The following NPSR1 variants were observed in gnomAD, a reference collection of about 807,000 sequenced individuals.
NPSR1 encodes neuropeptide S receptor 1.
A neutral mutation model predicts 46.9 loss-of-function variants in NPSR1; 48 were observed. The observed-to-expected ratio is 1.02, with a 90% confidence interval of 0.81 to 1.30. The LOEUF (loss-of-function observed/expected upper bound fraction) is 1.30, where lower values mean the gene tolerates loss of function less well. Ranked by LOEUF, NPSR1 falls within the 50% of genes most tolerant of loss-of-function variation. The probability of loss-of-function intolerance (pLI) is 0.00; values close to 1 mark genes in which losing one functional copy is unlikely to be tolerated. For missense variants in NPSR1, 450 were observed against 449.5 expected (o/e 1.00, Z -0.01); for synonymous variants, 176 against 168.1 (o/e 1.05, Z -0.36).
intron 2 of NPSR1, among the ~76,000 whole-genome samples, chr7:34,706,730 C>A (rs1473672079): frequency 6.6e-6 from 1 of 151,944 alleles, no homozygotes; most frequent in African/African-American, 2.4e-5. Context: ...GCTAAAATTT[C>A]AGGGTTTCTT....
chr7:34,739,034 T>C (rs1312283947), intron 2 of NPSR1, among the ~76,000 whole-genome samples: 1 of 152,242 alleles, frequency 6.6e-6, no homozygotes, highest in African/African-American at 2.4e-5. Flanking sequence ...TTGCATAAGA[T>C]GTTTAAAGTT....
chr7:34,794,184 T>C (rs1788070785), intron 3 of NPSR1, among the ~76,000 whole-genome samples: 1 of 152,048 alleles, frequency 6.6e-6, no homozygotes, highest in Non-Finnish European at 1.5e-5. Flanking sequence ...AAAACAATAG[T>C]GTATTATATA....
chr7:34,815,711 A>G (rs562858581), intron 4 of NPSR1, among the ~76,000 whole-genome samples: 229 of 152,350 alleles, frequency 1.5e-3, no homozygotes, highest in Admixed American at 3.3e-3. Flanking sequence ...GACTAACAGC[A>G]GATCTCTTGG....
At chr7:34,865,665 C>A (rs574103654) in intron 8 of NPSR1, among the ~76,000 whole-genome samples, 1 of 151,710 alleles carries the variant, frequency 6.6e-6, no homozygotes, top group South Asian at 2.1e-4. Flanking sequence ...GACACACCCC[C>A]CTTAGCATCC....
At chr7:34,772,871 G>A (rs917725177) in intron 2 of NPSR1, among the ~76,000 whole-genome samples, 2 of 152,094 alleles carry the variant, frequency 1.3e-5, no homozygotes, top group Non-Finnish European at 2.9e-5. Context: ...CCATCTGCTA[G>A]TCACTACCAA....
chr7:34,826,887 C>CAA (rs58951477), intron 4 of NPSR1, among the ~76,000 whole-genome samples: 45,294 of 140,480 alleles, frequency 0.32, 7,828 homozygotes, highest in Non-Finnish European at 0.4. Context: ...ATGTTCCTAC[C>CAA]AAAAAAAAAA....
chr7:34,695,507 A>G (rs547947269), intron 2 of NPSR1, among the ~76,000 whole-genome samples: 1 of 149,932 alleles, frequency 6.7e-6, no homozygotes, highest in Admixed American at 6.6e-5. Context: ...AGAAATAATC[A>G]ACAAATAGAC....
intron 2 of NPSR1, chr7:34,750,298 C>T: frequency 2.9e-6 from 2 of 696,270 alleles, no homozygotes; most frequent in Middle Eastern, 3.9e-4. Flanking sequence ...GGGTTATTTT[C>T]TTGGGTGTCC....
intron 3 of NPSR1, among the ~76,000 whole-genome samples, chr7:34,783,376 C>T (rs1368986200): frequency 6.6e-6 from 1 of 151,978 alleles, no homozygotes; most frequent in Non-Finnish European, 1.5e-5. Context: ...CCTTATAAAA[C>T]CATCAGATCT....
intron 1 of NPSR1, among the ~76,000 whole-genome samples, chr7:34,672,136 G>A (rs1325853942): frequency 6.6e-6 from 1 of 152,168 alleles, no homozygotes; most frequent in African/African-American, 2.4e-5. Context: ...CAATTTAAAT[G>A]TTAATCTCAG....
intron 8 of NPSR1, among the ~76,000 whole-genome samples, chr7:34,872,636 AATC>A (rs1791484997): frequency 6.6e-6 from 1 of 151,840 alleles, no homozygotes; most frequent in African/African-American, 2.4e-5. Flanking sequence ...GAGGCCTCAC[AATC>A]ATGGTGGAAG....
intron 2 of NPSR1, among the ~76,000 whole-genome samples, chr7:34,693,289 G>A (rs1229489868): frequency 6.6e-6 from 1 of 151,596 alleles, no homozygotes; most frequent in Non-Finnish European, 1.5e-5. Flanking sequence ...ATAGCCTTGT[G>A]AGAATGGACT....
chr7:34,786,461 A>T (rs1417301290), intron 3 of NPSR1, among the ~76,000 whole-genome samples: 1 of 152,126 alleles, frequency 6.6e-6, no homozygotes, highest in East Asian at 1.9e-4. Context: ...AGTTGGAATC[A>T]ACCTTCTACA....
chr7:34,764,459 C>T (rs1428962540), intron 2 of NPSR1, among the ~76,000 whole-genome samples: 1 of 152,174 alleles, frequency 6.6e-6, no homozygotes, highest in Admixed American at 6.5e-5. Context: ...CAGCCAGGCC[C>T]ATCCAGTTAC....
intron 4 of NPSR1, among the ~76,000 whole-genome samples, chr7:34,822,914 A>G (rs1789624148): frequency 6.6e-6 from 1 of 152,210 alleles, no homozygotes; most frequent in South Asian, 2.1e-4. Flanking sequence ...TAAAAATTTA[A>G]ATTATTTATG....
chr7:34,725,737 CAA>C, intron 2 of NPSR1, among the ~76,000 whole-genome samples: 1 of 152,238 alleles, frequency 6.6e-6, no homozygotes, highest in South Asian at 2.1e-4. Context: ...AAAATATTGG[CAA>C]AAGACAGACA....
At chr7:34,866,352 G>C (rs200115552) in intron 8 of NPSR1, among the ~76,000 whole-genome samples, 2,722 of 113,008 alleles carry the variant, frequency 0.024, 1 homozygote, top group African/African-American at 0.029. Context: ...GAGGAAGTCA[G>C]CTCATGGAGA....
At chr7:34,851,347 C>G (rs1189833985), downstream of NPSR1, among the ~76,000 whole-genome samples, 1 of 149,428 alleles carries the variant, frequency 6.7e-6, no homozygotes, top group African/African-American at 2.5e-5. Flanking sequence ...TTCGATCTGA[C>G]CTTAGGGAAA....
chr7:34,835,069 C>A (rs568388911), intron 6 of NPSR1, among the ~76,000 whole-genome samples: 25 of 152,308 alleles, frequency 1.6e-4, no homozygotes, highest in Non-Finnish European at 3.1e-4. Flanking sequence ...GGAAGCCTAC[C>A]CTGCTTCCCA....
Sources: gnomAD v4.1 joint callset for allele counts (sites outside exome capture counted in the v4.1 genomes callset) on GRCh38, gnomAD v4.1.1 for gene constraint, MANE v1.5 for transcripts, NCBI Gene and HGNC (gene_info 2026-07-23, HGNC 2026-07-21) for gene names.